Variants in SEMA4D observed in about 807,000 individuals in gnomAD.
The protein encoded by SEMA4D is semaphorin 4D.
A neutral mutation model predicts 74.8 loss-of-function variants in SEMA4D; 22 were observed. That is an observed-to-expected ratio of 0.29 (90% CI 0.21 to 0.42). The LOEUF is 0.42. Ranked by LOEUF, SEMA4D falls within the 10% of genes least tolerant of loss-of-function variation. SEMA4D has a pLI of 1.00. For synonymous variants in SEMA4D, 445 were observed against 463.7 expected, an observed-to-expected ratio of 0.96 and a Z score of 0.52; for missense variants, 937 against 1,118.4, an observed-to-expected ratio of 0.84 and a Z score of 2.31.
At chr9:89,420,650 C>T (rs1279267069) in intron 2 of SEMA4D, among the ~76,000 whole-genome samples, 3 of 152,270 alleles carry the variant, frequency 2.0e-5, no homozygotes. Context: ...TCTGGGCGTA[C>T]TCCCTAAGCA....
Position 89,429,383 on chromosome 9 carries a change from G to A in SEMA4D, c.-243-23684C>T, listed in dbSNP as rs150936722. 2.3e-4 allele frequency among the ~76,000 whole-genome samples: 35 copies of A among 152,334 alleles called. No individual in the cohort carries two copies. In the East Asian group the frequency reaches 2.7e-3, roughly 12 times the overall value. On this transcript the variant is annotated intron_variant, in intron 2 of 15. Transcript: ENST00000422704. Reference sequence around the variant, plus strand: ...GGGGGCTGTGAAGACAGTAATTCAGGTCACCCAGCAACACTGTCACCATCC... The same window carrying A: ...GGGGGCTGTGAAGACAGTAATTCAGATCACCCAGCAACACTGTCACCATCC...
chr9:89,409,286 T>C (rs562609145), intron 2 of SEMA4D, among the ~76,000 whole-genome samples: 1 of 152,160 alleles, frequency 6.6e-6, no homozygotes, highest in African/African-American at 2.4e-5. Flanking sequence ...AGAGAGGGTT[T>C]TTAGGGCAGG....
At chr9:89,481,233 G>A (rs1287344077) in intron 1 of SEMA4D, among the ~76,000 whole-genome samples, 1 of 152,204 alleles carries the variant, frequency 6.6e-6, no homozygotes, top group Non-Finnish European at 1.5e-5. Context: ...GCAGGTGGCG[G>A]TGGGGTGGGA....
intron 2 of SEMA4D, among the ~76,000 whole-genome samples, chr9:89,413,279 G>C (rs976102762): frequency 5.3e-5 from 8 of 152,180 alleles, no homozygotes; most frequent in Non-Finnish European, 8.8e-5. Context: ...AACTCCAAGG[G>C]GGCTCTGAGC....
At position 89,392,639 on chromosome 9, in the gene SEMA4D, A is replaced by G. The variant is rs116642381; in HGVS notation, c.509-103T>C. Reference sequence around the variant, plus strand: ...ACACGGTGTTTTCCTTTATAACCCAATTAAGTCCCTGCCTGGGGAAAGGGA... The same window carrying G: ...ACACGGTGTTTTCCTTTATAACCCAGTTAAGTCCCTGCCTGGGGAAAGGGA... On this transcript the variant is annotated intron_variant, in intron 7 of 15. Coordinates refer to ENST00000422704, the MANE Select transcript of SEMA4D (RefSeq NM_001371194.2). The G allele has an allele frequency of 8.8e-4, 640 of 727,096 alleles. 3 individuals carry two copies. The African/African-American group carries it at 0.01, about 11-fold the overall frequency. The allele number at this position is 727,096 out of a possible 1,614,324, so 45.0% of individuals were successfully genotyped here.
At chr9:89,436,994 C>T (rs575049212) in intron 2 of SEMA4D, among the ~76,000 whole-genome samples, 175 of 152,332 alleles carry the variant, frequency 1.1e-3, no homozygotes, top group African/African-American at 3.8e-3. Flanking sequence ...TCATGTCCAG[C>T]CTTGGACTCA....
intron 8 of SEMA4D, among the ~76,000 whole-genome samples, 199 bp downstream of exon 8, chr9:89,392,224 T>A (rs1588255805): frequency 6.6e-6 from 1 of 152,358 alleles, no homozygotes; most frequent in Non-Finnish European, 1.5e-5. Flanking sequence ...AAAACAGTAC[T>A]CTGTTACCAG....
At chr9:89,451,109 C>T (rs1171724020) in intron 2 of SEMA4D, among the ~76,000 whole-genome samples, 1 of 152,192 alleles carries the variant, frequency 6.6e-6, no homozygotes, top group Non-Finnish European at 1.5e-5. Flanking sequence ...AAATTAGCCA[C>T]CACCACTGAA....
At chr9:89,483,132 C>G (rs755457237) in intron 1 of SEMA4D, among the ~76,000 whole-genome samples, 3 of 152,340 alleles carry the variant, frequency 2.0e-5, no homozygotes, top group Non-Finnish European at 4.4e-5. Flanking sequence ...GTGGAAGGAA[C>G]TGGAACATGA....
rs1450697490 is a variant in SEMA4D at position 89,378,831 on chromosome 9, G to A, written c.2462C>T (p.Thr821Ile). The A allele has an allele frequency of 6.2e-7, 1 of 1,614,186 alleles. No homozygotes were observed. The highest frequency in any genetic ancestry group is 8.5e-7 in the Non-Finnish European group (1 of 1,180,036). The change falls in exon 16 of 16, where the codon ACC (threonine) becomes ATC (isoleucine). Residue 821 changes from threonine to isoleucine, a missense_variant. Physicochemically the swap from Thr to Ile is moderately conservative, Grantham distance 89 (BLOSUM62 -1). Coordinates refer to ENST00000422704, the MANE Select transcript of SEMA4D (RefSeq NM_001371194.2). ...ATCCGTGGGGACTTTGCTGGTGATG[G>A]TGTCTTGCTCGGTCTCATAGCCGGT... ...LDTGYETEQD[T>I]ITSKVPTDRE...
chr9:89,453,366 T>G (rs1333013323), intron 2 of SEMA4D, among the ~76,000 whole-genome samples: 1 of 152,236 alleles, frequency 6.6e-6, no homozygotes, highest in African/African-American at 2.4e-5. Flanking sequence ...AGAGTTTGGG[T>G]CTAAGAAATC....
intron 2 of SEMA4D, among the ~76,000 whole-genome samples, chr9:89,409,008 C>A (rs1843924873): frequency 6.6e-6 from 1 of 152,198 alleles, no homozygotes; most frequent in African/African-American, 2.4e-5. Flanking sequence ...GTGCCAACCA[C>A]ACAGGAAGCC....
chr9:89,429,027 CTCCTGGCCTTGGG>C (rs1313817779), intron 2 of SEMA4D, among the ~76,000 whole-genome samples: 1 of 152,220 alleles, frequency 6.6e-6, no homozygotes, highest in African/African-American at 2.4e-5. Context: ...TCCACGCTCA[CTCCTGGCCTTGGG>C]TCACAGGCCC....
At chr9:89,372,415 T>C (rs1047887961), downstream of SEMA4D, among the ~76,000 whole-genome samples, 6 of 148,882 alleles carry the variant, frequency 4.0e-5, no homozygotes, top group South Asian at 2.1e-4. Context: ...GTGTCTGGGG[T>C]GTGGTGTGTG....
chr9:89,472,839 AT>A (rs1483676737), intron 1 of SEMA4D: 10 of 152,654 alleles, frequency 6.6e-5, no homozygotes, highest in African/African-American at 2.4e-4. Context: ...CACATCTGTA[AT>A]CCCAGCATTT....
chr9:89,404,234 T>C (rs1458214093), intron 3 of SEMA4D, among the ~76,000 whole-genome samples: 3 of 152,284 alleles, frequency 2.0e-5, no homozygotes, highest in Non-Finnish European at 4.4e-5. Context: ...CGAGCATTCT[T>C]ATGATGCCTC....
At chr9:89,409,731 G>C (rs1844107135) in intron 2 of SEMA4D, among the ~76,000 whole-genome samples, 1 of 152,134 alleles carries the variant, frequency 6.6e-6, no homozygotes, top group Admixed American at 6.5e-5. Context: ...ACAAGGCCCA[G>C]TTCATTTCGG....
chr9:89,418,050 T>G (rs1846094139), intron 2 of SEMA4D: 1 of 977,978 alleles, frequency 1.0e-6, no homozygotes, highest in Non-Finnish European at 1.2e-6. Flanking sequence ...AATAAAGTGG[T>G]TTTACCTGTA....
intron 2 of SEMA4D, chr9:89,449,542 T>C: frequency 1.3e-6 from 1 of 771,644 alleles, no homozygotes. Flanking sequence ...GAGGCTGCAG[T>C]GGTGGTGGCA....
Sources: allele counts gnomAD v4.1 joint callset (sites outside exome capture counted in the v4.1 genomes callset), GRCh38; gene constraint gnomAD v4.1.1; transcripts MANE v1.5; gene names NCBI Gene and HGNC (gene_info 2026-07-23, HGNC 2026-07-21).